Variants in KCNMB4 observed in about 807,000 individuals in gnomAD.
The protein encoded by KCNMB4 is calcium-activated potassium channel subunit beta-4.
In KCNMB4, 3 loss-of-function variants were observed where a neutral mutation model predicts 20.7. The ratio of observed to expected loss-of-function variants is 0.14; its 90% CI spans 0.07 to 0.37. KCNMB4 has a LOEUF of 0.37. Among genes scored for constraint, KCNMB4 ranks in the 10% least tolerant of loss-of-function variants. The probability of loss-of-function intolerance (pLI) is 1.00; values close to 1 mark genes in which losing one functional copy is unlikely to be tolerated. For missense variants in KCNMB4, 168 were observed against 265.9 expected (o/e 0.63, Z 2.56); for synonymous variants, 110 against 113.4 (o/e 0.97, Z 0.19).
chr12:70,417,538 T>C (rs945258074), intron 2 of KCNMB4, among the ~76,000 whole-genome samples: 5 of 152,186 alleles, frequency 3.3e-5, no homozygotes, highest in African/African-American at 1.2e-4. Context: ...GAATGAGTAG[T>C]AAATATGATC....
intron 1 of KCNMB4, among the ~76,000 whole-genome samples, chr12:70,383,363 A>T (rs1055855654): frequency 6.6e-6 from 1 of 152,226 alleles, no homozygotes; most frequent in African/African-American, 2.4e-5. Context: ...AAGTTGGTAC[A>T]TATTAAATTG....
chr12:70,378,407 G>A (rs1883725647), intron 1 of KCNMB4, among the ~76,000 whole-genome samples: 2 of 152,150 alleles, frequency 1.3e-5, no homozygotes, highest in Admixed American at 6.5e-5. Flanking sequence ...CTCCGTTCAT[G>A]ATTTACTAAT....
At chr12:70,406,228 C>T (rs1436157714) in intron 2 of KCNMB4, among the ~76,000 whole-genome samples, 1 of 152,054 alleles carries the variant, frequency 6.6e-6, no homozygotes, top group South Asian at 2.1e-4. Flanking sequence ...CACTTGTGTA[C>T]AACAATACTG....
At chr12:70,394,094 G>C (rs975467171) in intron 1 of KCNMB4, among the ~76,000 whole-genome samples, 2 of 152,156 alleles carry the variant, frequency 1.3e-5, no homozygotes, top group Non-Finnish European at 2.9e-5. Context: ...TTGCTTCGGG[G>C]GAGGTGGAGA....
intron 2 of KCNMB4, among the ~76,000 whole-genome samples, chr12:70,419,244 G>A (rs1868988262): frequency 6.6e-6 from 1 of 152,090 alleles, no homozygotes; most frequent in Non-Finnish European, 1.5e-5. Context: ...TTAGCACTAG[G>A]CATCGCTGAG....
At chr12:70,385,982 A>G (rs181955313) in intron 1 of KCNMB4, among the ~76,000 whole-genome samples, 204 of 152,326 alleles carry the variant, frequency 1.3e-3, no homozygotes, top group Middle Eastern at 3.4e-3. Flanking sequence ...GAAATAAGGA[A>G]AACTTCCAAA....
At chr12:70,386,857 A>T (rs1353715667) in intron 1 of KCNMB4, among the ~76,000 whole-genome samples, 1 of 152,222 alleles carries the variant, frequency 6.6e-6, no homozygotes, top group African/African-American at 2.4e-5. Context: ...CATTCAAAAG[A>T]ATGAGACCTC....
At chr12:70,426,340 A>G (rs1342813108) in intron 2 of KCNMB4, among the ~76,000 whole-genome samples, 2 of 150,754 alleles carry the variant, frequency 1.3e-5, no homozygotes, top group Non-Finnish European at 3.0e-5. Context: ...ATAAGTGTCA[A>G]TTAGGCAGTT....
intron 1 of KCNMB4, among the ~76,000 whole-genome samples, chr12:70,383,626 C>A (rs1883834602): frequency 6.6e-6 from 1 of 152,210 alleles, no homozygotes; most frequent in African/African-American, 2.4e-5. Context: ...GAAAAACACC[C>A]TTCCTTGCCT....
At chr12:70,381,323 G>A (rs535422025) in intron 1 of KCNMB4, among the ~76,000 whole-genome samples, 1 of 152,270 alleles carries the variant, frequency 6.6e-6, no homozygotes, top group East Asian at 1.9e-4. Context: ...AAAACAGTTT[G>A]ACAGTTCCTC....
rs145568716 is a variant in KCNMB4, at chr12:70,396,095, C to T, written c.337-4114C>T. 8.8e-3 allele frequency among the ~76,000 whole-genome samples: 1,333 copies of T among 152,288 alleles called. 84 individuals are homozygous for T. Among genetic ancestry groups the T allele is most frequent in the Admixed American group, 0.081 (1,239 of 15,296 alleles). On this transcript the variant is annotated intron_variant, in intron 1 of 2. Transcript: ENST00000258111. ...AGACTTGCCTCAACCCATCAGCTCT[C>T]AGGAGGACTACATCAATTCCATTCC...
chr12:70,393,256 G>A (rs1868316119), intron 1 of KCNMB4, among the ~76,000 whole-genome samples: 1 of 152,130 alleles, frequency 6.6e-6, no homozygotes, highest in Non-Finnish European at 1.5e-5. Flanking sequence ...AGACTGGAGT[G>A]CAGTGGCGCG....
At chr12:70,425,355 G>A (rs954425164) in intron 2 of KCNMB4, among the ~76,000 whole-genome samples, 10 of 151,888 alleles carry the variant, frequency 6.6e-5, no homozygotes, top group Non-Finnish European at 1.2e-4. Context: ...GGAGAATGGC[G>A]TAAACTCAGG....
intron 2 of KCNMB4, among the ~76,000 whole-genome samples, chr12:70,422,030 T>C (rs1397192559): frequency 6.6e-6 from 1 of 152,182 alleles, no homozygotes; most frequent in Admixed American, 6.5e-5. Flanking sequence ...TGGCATGTAT[T>C]GTCCCAACAC....
intron 2 of KCNMB4, among the ~76,000 whole-genome samples, chr12:70,404,329 T>C (rs1868537022): frequency 6.6e-6 from 1 of 152,060 alleles, no homozygotes. Flanking sequence ...GTATACTGGC[T>C]GGGAAAGATG....
chr12:70,403,797 G>A (rs1462480188), intron 2 of KCNMB4, among the ~76,000 whole-genome samples: 1 of 152,160 alleles, frequency 6.6e-6, no homozygotes, highest in Non-Finnish European at 1.5e-5. Context: ...GGAATTGTTT[G>A]TATGCCCATT....
chr12:70,405,915 G>T (rs1011723761), intron 2 of KCNMB4, among the ~76,000 whole-genome samples: 1 of 152,050 alleles, frequency 6.6e-6, no homozygotes, highest in Non-Finnish European at 1.5e-5. Flanking sequence ...AGAAAATATG[G>T]TATGTACATA....
chr12:70,424,565 C>T lies in KCNMB4; in HGVS notation c.465-5920C>T, dbSNP rs180873900. The stretch of plus-strand genomic sequence containing the variant: ...AGGAGTTTGAGACCAGCCTGGCCAA[C>T]GTGACAAAACCTTGTCTCTACTAAA... On this transcript the variant is annotated intron_variant, in intron 2 of 2. Transcript: ENST00000258111. 4.6e-4 allele frequency among the ~76,000 whole-genome samples: 70 copies of T among 152,154 alleles called. No individual in the cohort carries two copies. In the East Asian group the frequency reaches 6.6e-3, roughly 14 times the overall value.
chr12:70,424,314 T>G (rs1593348867), intron 2 of KCNMB4, among the ~76,000 whole-genome samples: 1 of 152,204 alleles, frequency 6.6e-6, no homozygotes, highest in East Asian at 1.9e-4. Context: ...AAGATAATCT[T>G]GAAACCAATG....
Sources: gnomAD v4.1 joint callset for allele counts (sites outside exome capture counted in the v4.1 genomes callset) on GRCh38, gnomAD v4.1.1 for gene constraint, MANE v1.5 for transcripts, NCBI Gene and HGNC (gene_info 2026-07-23, HGNC 2026-07-21) for gene names.